The following NEK10 variants were observed in gnomAD, a reference collection of about 807,000 sequenced individuals.
NEK10 encodes the protein serine/threonine-protein kinase Nek10.
In NEK10, 122 loss-of-function variants were observed where a neutral mutation model predicts 159.8. The observed-to-expected ratio is 0.76, with a 90% confidence interval of 0.66 to 0.89. The LOEUF (loss-of-function observed/expected upper bound fraction) is 0.89. Ranked by LOEUF, NEK10 falls within the 40% of genes least tolerant of loss-of-function variation. NEK10 has a pLI of 0.00. For missense variants in NEK10, 1,342 were observed against 1,323.1 expected (o/e 1.01, Z -0.22); for synonymous variants, 466 against 457.1 (o/e 1.02, Z -0.25).
intron 30 of NEK10, among the ~76,000 whole-genome samples, chr3:27,151,241 A>G (rs1944839577): frequency 6.6e-6 from 1 of 152,144 alleles, no homozygotes; most frequent in Non-Finnish European, 1.5e-5. Flanking sequence ...ACCCTTATGG[A>G]GTCCATTGCA....
intron 32 of NEK10, among the ~76,000 whole-genome samples, chr3:27,123,725 T>A (rs1941599000): frequency 6.6e-6 from 1 of 152,056 alleles, no homozygotes; most frequent in African/African-American, 2.4e-5. Context: ...GCAGATAGAT[T>A]TGACTTAGTC....
intron 26 of NEK10, among the ~76,000 whole-genome samples, chr3:27,180,690 C>T (rs1947996255): frequency 6.6e-6 from 1 of 152,124 alleles, no homozygotes; most frequent in Non-Finnish European, 1.5e-5. Flanking sequence ...TTAAACTGCA[C>T]ATTTTGCACA....
chr3:27,268,791 T>C (rs2041104872), intron 22 of NEK10, among the ~76,000 whole-genome samples: 1 of 152,232 alleles, frequency 6.6e-6, no homozygotes, highest in South Asian at 2.1e-4. Flanking sequence ...AATTCAGAGA[T>C]ACATTTCATA....
At chr3:27,329,497 CT>C (rs2046247464) in intron 5 of NEK10, among the ~76,000 whole-genome samples, 1 of 152,286 alleles carries the variant, frequency 6.6e-6, no homozygotes, top group East Asian at 1.9e-4. Context: ...CTCTCAGAAA[CT>C]TATGTACTCA....
At chr3:27,295,436 T>A (rs2043288903) in intron 15 of NEK10, among the ~76,000 whole-genome samples, 177 bp downstream of exon 15, 1 of 152,218 alleles carries the variant, frequency 6.6e-6, no homozygotes, top group Non-Finnish European at 1.5e-5. Context: ...TTAAGCCTTC[T>A]GTATTGTTTT....
intron 3 of NEK10, among the ~76,000 whole-genome samples, chr3:27,351,189 G>T (rs1329871683): frequency 2.7e-5 from 4 of 148,102 alleles, no homozygotes; most frequent in African/African-American, 7.9e-5. Context: ...TTATAAGAAA[G>T]AAATTTAGGA....
chr3:27,344,782 A>G (rs2047438246), intron 4 of NEK10, among the ~76,000 whole-genome samples: 1 of 152,130 alleles, frequency 6.6e-6, no homozygotes, highest in Non-Finnish European at 1.5e-5. Flanking sequence ...TTTTCCACAT[A>G]CCCTCGACCC....
intron 1 of NEK10, among the ~76,000 whole-genome samples, chr3:27,365,619 T>TGTTTG (rs2049017963): frequency 2.2e-5 from 3 of 137,828 alleles, no homozygotes; most frequent in Non-Finnish European, 4.6e-5. Flanking sequence ...TGTTTTTTTT[T>TGTTTG]TTTTTTTTTT....
At chr3:27,244,229 A>G (rs1319559393) in intron 23 of NEK10, among the ~76,000 whole-genome samples, 1 of 152,182 alleles carries the variant, frequency 6.6e-6, no homozygotes, top group Non-Finnish European at 1.5e-5. Context: ...ATTCAAAAAG[A>G]CACTCTGGAG....
chr3:27,220,825 T>C (rs745752934), intron 23 of NEK10, among the ~76,000 whole-genome samples: 7 of 152,162 alleles, frequency 4.6e-5, no homozygotes, highest in Non-Finnish European at 7.3e-5. Context: ...GATATGCATA[T>C]AGATTGATAA....
intron 25 of NEK10, among the ~76,000 whole-genome samples, chr3:27,197,744 T>C (rs1241350741): frequency 1.3e-5 from 2 of 152,100 alleles, no homozygotes; most frequent in Non-Finnish European, 2.9e-5. Flanking sequence ...TCTCTTCCTA[T>C]ATGGATGCCC....
chr3:27,189,416 T>A (rs1418299117), intron 26 of NEK10, among the ~76,000 whole-genome samples: 1 of 152,130 alleles, frequency 6.6e-6, no homozygotes, highest in African/African-American at 2.4e-5. Context: ...GATCCCCTTA[T>A]TGATATTGGG....
In NEK10 at chr3:27,158,141, C is replaced by A. The variant is rs1160291554; in HGVS notation, c.2869+4560G>T. 2.6e-5 allele frequency among the ~76,000 whole-genome samples: 4 copies of A among 152,196 alleles called. No individual in the cohort carries two copies. In the East Asian group the frequency reaches 7.7e-4, roughly 29 times the overall value. On this transcript the variant is annotated intron_variant, in intron 30 of 35. Transcript: ENST00000691995. Reference sequence around the variant, plus strand: ...AACCTGCAATATCTGTGAGATACACCTATATCTATCAAAGTTGCAATGAAG... The same window carrying A: ...AACCTGCAATATCTGTGAGATACACATATATCTATCAAAGTTGCAATGAAG...
Position 27,110,506 on chromosome 3 carries a change from A to G in NEK10, c.*766T>C, listed in dbSNP as rs534446598. ...CTCTAAAAATACTATAAGTTTGATT[A>G]GCAGCAAAGCATTAGTCTAATCAAA... On this transcript the variant is annotated 3_prime_UTR_variant, in exon 36 of 36. Coordinates refer to ENST00000691995, the MANE Select transcript of NEK10 (RefSeq NM_001394966.1). 14 of 152,312 alleles carry G rather than the reference A, an allele frequency of 9.2e-5. No individual in the cohort carries two copies. Among genetic ancestry groups the G allele is most frequent in the African/African-American group, 3.4e-4 (14 of 41,576 alleles). 9.4% of individuals were successfully genotyped at this position (152,312 alleles called of 1,614,324 possible). A position where few individuals can be genotyped will look rare whatever the true frequency, so the allele number is the denominator to read the frequency against.
intron 32 of NEK10, among the ~76,000 whole-genome samples, chr3:27,126,153 A>G (rs549468557): frequency 6.6e-6 from 1 of 152,280 alleles, no homozygotes; most frequent in South Asian, 2.1e-4. Flanking sequence ...CTTGGAGAAG[A>G]GCTGAAAACC....
intron 22 of NEK10, among the ~76,000 whole-genome samples, chr3:27,264,520 C>T (rs952820066): frequency 6.6e-6 from 1 of 152,154 alleles, no homozygotes; most frequent in Non-Finnish European, 1.5e-5. Context: ...TCAATAGAAG[C>T]CTGAACACCA....
At chr3:27,156,817 C>A (rs1275878454) in intron 30 of NEK10, among the ~76,000 whole-genome samples, 1 of 150,386 alleles carries the variant, frequency 6.6e-6, no homozygotes, top group African/African-American at 2.4e-5. Flanking sequence ...GAAAAGATAT[C>A]ATAATACAAA....
At chr3:27,143,491 A>G (rs760369663) in intron 30 of NEK10, 2 of 756,298 alleles carry the variant, frequency 2.6e-6, no homozygotes, top group East Asian at 2.4e-5. Flanking sequence ...ACAAAAACAA[A>G]GAGTTAGCTA....
At chr3:27,115,009 C>T (rs1274805588) in intron 35 of NEK10, among the ~76,000 whole-genome samples, 1 of 152,134 alleles carries the variant, frequency 6.6e-6, no homozygotes, top group Non-Finnish European at 1.5e-5. Flanking sequence ...AATGGAATAC[C>T]TGCACTTCTT....
Sources: allele counts gnomAD v4.1 joint callset (sites outside exome capture counted in the v4.1 genomes callset), GRCh38; gene constraint gnomAD v4.1.1; transcripts MANE v1.5; gene names NCBI Gene and HGNC (gene_info 2026-07-23, HGNC 2026-07-21).